ICA1: variants seen among roughly 807,000 people sequenced by gnomAD.
ICA1 encodes the protein islet cell autoantigen 1, also known as 69 kDa islet cell autoantigen.
ICA1 carries 40 observed loss-of-function variants against 71.0 expected under a neutral mutation model. The observed-to-expected ratio is 0.56, with a 90% CI of 0.44 to 0.73. The LOEUF (loss-of-function observed/expected upper bound fraction) is 0.73, where lower values mean the gene tolerates loss of function less well. Among genes scored for constraint, ICA1 ranks in the 30% least tolerant of loss-of-function variants. ICA1 has a pLI of 0.00. For synonymous variants in ICA1, 207 were observed against 209.5 expected, an observed-to-expected ratio of 0.99 and a Z score of 0.10; for missense variants, 578 against 576.5, an observed-to-expected ratio of 1.00 and a Z score of -0.03.
At chr7:8,146,354 T>C (rs924637957) in intron 8 of ICA1, among the ~76,000 whole-genome samples, 8 of 152,104 alleles carry the variant, frequency 5.3e-5, no homozygotes, top group African/African-American at 1.9e-4. Context: ...AAGGTAGGAA[T>C]AGCTTGGTTT....
chr7:8,237,815 G>GACAC (rs916761494), intron 1 of ICA1, among the ~76,000 whole-genome samples: 150 of 135,326 alleles, frequency 1.1e-3, no homozygotes, highest in African/African-American at 4.2e-3. Context: ...CAATGTTGAA[G>GACAC]ACAGACACAC....
intron 6 of ICA1, among the ~76,000 whole-genome samples, chr7:8,200,016 T>C (rs1293340877): frequency 1.3e-5 from 2 of 152,104 alleles, no homozygotes; most frequent in Non-Finnish European, 2.9e-5. Flanking sequence ...GGGACTACAG[T>C]GAATAATAAT....
Position 8,118,512 on chromosome 7 carries a change from AT to A in ICA1, c.1331-4469del, listed in dbSNP as rs1009825287. Among the ~76,000 whole-genome samples, 5 of 152,052 alleles carry A rather than the reference AT, an allele frequency of 3.3e-5. No homozygotes were observed. In the South Asian group the frequency reaches 6.2e-4, roughly 19 times the overall value. On this transcript the variant is annotated intron_variant, in intron 13 of 13. Coordinates refer to ENST00000402384, the MANE Select transcript of ICA1 (RefSeq NM_001136020.3). The stretch of plus-strand genomic sequence containing the variant: ...ATATAAATTATACTGCAATAAAACG[AT>A]TTTTTTTAATGACCAGTATTTGGTG...
At chr7:8,240,412 G>A (rs1409389690) in intron 1 of ICA1, among the ~76,000 whole-genome samples, 3 of 152,096 alleles carry the variant, frequency 2.0e-5, no homozygotes, top group Non-Finnish European at 4.4e-5. Flanking sequence ...CCCATCTGTA[G>A]GTCATCAACA....
At chr7:8,245,313 G>A (rs1489292082) in intron 1 of ICA1, among the ~76,000 whole-genome samples, 1 of 150,166 alleles carries the variant, frequency 6.7e-6, no homozygotes, top group Non-Finnish European at 1.5e-5. Flanking sequence ...CACAAGGACA[G>A]AAATCCAAGC....
intron 6 of ICA1, among the ~76,000 whole-genome samples, chr7:8,186,125 G>A (rs1783835020): frequency 6.6e-6 from 1 of 152,236 alleles, no homozygotes; most frequent in African/African-American, 2.4e-5. Context: ...GGGGAAGCTT[G>A]TGGATAGGCA....
chr7:8,232,437 T>G (rs2128461792), intron 3 of ICA1, among the ~76,000 whole-genome samples, 153 bp downstream of exon 3: 1 of 152,272 alleles, frequency 6.6e-6, no homozygotes, highest in Middle Eastern at 3.4e-3. Flanking sequence ...ATTTGCAGGT[T>G]TTAATAAATA....
At chr7:8,251,814 T>A (rs181784988) in intron 1 of ICA1, among the ~76,000 whole-genome samples, 1 of 152,342 alleles carries the variant, frequency 6.6e-6, no homozygotes, top group Non-Finnish European at 1.5e-5. Context: ...GTAAAATTTT[T>A]AAATATTATA....
At position 8,138,959 on chromosome 7, in the gene ICA1, G is replaced by C. The variant is rs767673763; in HGVS notation, c.1018+26C>G. The C allele has an allele frequency of 2.4e-5, 38 of 1,602,574 alleles. No individual in the cohort carries two copies. The Admixed American group carries it at 6.0e-4, about 25-fold the overall frequency. ...GAGTTTGAGTCAAATAATTAAAATT[G>C]AGTAGTTTTCCTTAATCTAGGTTAC... On this transcript the variant is annotated intron_variant, in intron 11 of 13. Coordinates refer to ENST00000402384, the MANE Select transcript of ICA1 (RefSeq NM_001136020.3).
In ICA1 at chr7:8,158,521, T is replaced by C. The variant is rs1802537783; in HGVS notation, c.705+6A>G. 1.2e-6 allele frequency: 2 copies of C among 1,613,576 alleles called. No individual in the cohort carries two copies. The highest frequency in any genetic ancestry group is 1.3e-5 in the African/African-American group (1 of 74,906). ...TGGTTCATTGCAACAAACATTATTT[T>C]GTTACCTGGTATGTTGCTAGCATGT... On this transcript the variant is annotated splice_donor_region_variant and intron_variant, in intron 7 of 13. Transcript: ENST00000402384.
At chr7:8,253,617 A>T (rs1346401286) in intron 1 of ICA1, among the ~76,000 whole-genome samples, 1 of 152,122 alleles carries the variant, frequency 6.6e-6, no homozygotes, top group Non-Finnish European at 1.5e-5. Flanking sequence ...TTTTTTTATA[A>T]TCATATTTTT....
At chr7:8,238,009 C>T (rs916814538) in intron 1 of ICA1, among the ~76,000 whole-genome samples, 29 of 152,008 alleles carry the variant, frequency 1.9e-4, no homozygotes, top group Admixed American at 1.4e-3. Context: ...TACACAGGTC[C>T]AGAATAACAC....
chr7:8,143,853 A>C, intron 9 of ICA1, 22 bp downstream of exon 9: 1 of 1,494,756 alleles, frequency 6.7e-7, no homozygotes, highest in Non-Finnish European at 9.3e-7. Flanking sequence ...AAAGATGCAG[A>C]GGGAAGGAAC....
chr7:8,129,679 C>T (rs1790687478), intron 12 of ICA1, among the ~76,000 whole-genome samples: 3 of 152,104 alleles, frequency 2.0e-5, no homozygotes, highest in Non-Finnish European at 4.4e-5. Flanking sequence ...TTTAAACAGG[C>T]TTCTGAGACA....
Position 8,146,176 on chromosome 7 carries a change from A to G in ICA1, c.805-2204T>C, listed in dbSNP as rs576566217. 4.6e-5 allele frequency among the ~76,000 whole-genome samples: 7 copies of G among 152,292 alleles called. No homozygotes were observed. The East Asian group carries it at 1.4e-3, about 29-fold the overall frequency. ...CGACAGACAAAATTATTAGCTAGCG[A>G]TGGGTCTAGGCAGATAATTAAAACC... On this transcript the variant is annotated intron_variant, in intron 8 of 13. Transcript: ENST00000402384.
At chr7:8,241,308 G>A (rs201592528) in intron 1 of ICA1, among the ~76,000 whole-genome samples, 1 of 152,126 alleles carries the variant, frequency 6.6e-6, no homozygotes, top group Non-Finnish European at 1.5e-5. Context: ...TCATATCCAG[G>A]CAAACTAAGC....
intron 6 of ICA1, among the ~76,000 whole-genome samples, chr7:8,201,990 A>C (rs1309134231): frequency 3.9e-5 from 6 of 152,198 alleles, no homozygotes; most frequent in Admixed American, 6.5e-5. Context: ...CAAGGACACC[A>C]TGTCCCCTGC....
intron 6 of ICA1, among the ~76,000 whole-genome samples, chr7:8,164,516 T>A (rs1478436046): frequency 6.6e-6 from 1 of 152,048 alleles, no homozygotes; most frequent in Non-Finnish European, 1.5e-5. Flanking sequence ...AATGTTATTG[T>A]CTAGCTTGCC....
At chr7:8,168,771 G>A (rs1807120449) in intron 6 of ICA1, among the ~76,000 whole-genome samples, 1 of 152,096 alleles carries the variant, frequency 6.6e-6, no homozygotes, top group South Asian at 2.1e-4. Flanking sequence ...GTTTTTAGGG[G>A]AAAAGTATGC....
Sources: gnomAD v4.1 joint callset for allele counts (sites outside exome capture counted in the v4.1 genomes callset) on GRCh38, gnomAD v4.1.1 for gene constraint, MANE v1.5 for transcripts, NCBI Gene and HGNC (gene_info 2026-07-23, HGNC 2026-07-21) for gene names.